SMURF1: variants seen among roughly 807,000 people sequenced by gnomAD.
SMURF1 encodes E3 ubiquitin-protein ligase SMURF1.
SMURF1 carries 44 observed loss-of-function variants against 98.0 expected under a neutral mutation model. The ratio of observed to expected loss-of-function variants is 0.45; its 90% CI spans 0.35 to 0.58. The LOEUF (loss-of-function observed/expected upper bound fraction) is 0.58, where lower values mean the gene tolerates loss of function less well. SMURF1 is among the 20% of genes least tolerant of loss of function. The pLI is 0.00. For missense variants in SMURF1, 687 were observed against 938.4 expected, an observed-to-expected ratio of 0.73 and a Z score of 3.50; for synonymous variants, 396 against 374.9, an observed-to-expected ratio of 1.06 and a Z score of -0.65.
At chr7:99,041,973 T>G in intron 12 of SMURF1, 145 bp downstream of exon 12, 1 of 677,246 alleles carries the variant, frequency 1.5e-6, no homozygotes, top group Non-Finnish European at 2.6e-6. Flanking sequence ...CTTAATTCAG[T>G]TTTCACTTTA....
chr7:99,035,480 G>A (rs748932826), intron 16 of SMURF1, 35 bp downstream of exon 16: 27 of 1,610,596 alleles, frequency 1.7e-5, no homozygotes, highest in Middle Eastern at 1.8e-4. Context: ...GCACATAGAC[G>A]CGTCATCGAA....
intron 15 of SMURF1, among the ~76,000 whole-genome samples, 181 bp downstream of exon 15, chr7:99,036,886 A>G (rs893184089): frequency 6.6e-6 from 1 of 152,050 alleles, no homozygotes; most frequent in African/African-American, 2.4e-5. Context: ...GCCGGTTACT[A>G]ACTGGCATGA....
At chr7:99,045,407 AAAG>A (rs774700843) in intron 11 of SMURF1, 9 of 412,594 alleles carry the variant, frequency 2.2e-5, no homozygotes, top group Non-Finnish European at 3.4e-5. Flanking sequence ...TCATGTTTCA[AAAG>A]AAGGGAGTGA....
intron 1 of SMURF1, among the ~76,000 whole-genome samples, chr7:99,121,387 T>C (rs189670916): frequency 7.4e-4 from 112 of 152,308 alleles, no homozygotes; most frequent in African/African-American, 2.6e-3. Context: ...AATTAAGATA[T>C]TGTATATAAT....
intron 1 of SMURF1, among the ~76,000 whole-genome samples, chr7:99,139,305 C>T (rs78100153): frequency 0.012 from 1,786 of 152,268 alleles, 34 homozygotes; most frequent in African/African-American, 0.041. Flanking sequence ...TTTCCACATG[C>T]TATCAAGGAA....
rs111788074 is a variant in SMURF1, at chr7:99,063,418, G to A, written c.56-1581C>T. Among the ~76,000 whole-genome samples the A allele has an allele frequency of 3.9e-3, 571 of 147,742 alleles. 5 individuals are homozygous for A. Among genetic ancestry groups the A allele is most frequent in the Non-Finnish European group, 5.9e-3 (393 of 66,934 alleles). ...AGGGATCCTCCAGCCTCAGCCTCTC[G>A]AGTTGCTGGGACTACAGGCACACAC... is the stretch of plus-strand genomic sequence containing the variant. On this transcript the variant is annotated intron_variant, in intron 1 of 17. Coordinates refer to ENST00000361368, the MANE Select transcript of SMURF1 (RefSeq NM_181349.3).
chr7:99,057,423 G>A lies in SMURF1; in HGVS notation c.332C>T (p.Thr111Ile), dbSNP rs1332599018. Reference sequence around the variant, plus strand: ...GGAAAGTGTTTGGTTCTTACATCCGGTATCTTTTAATCTGCTGATGGCATT... The same window carrying A: ...GGAAAGTGTTTGGTTCTTACATCCGATATCTTTTAATCTGCTGATGGCATT... ...LSNAISRLKD[T>I]GYQRLDLCKL... Residue 111 changes from threonine to isoleucine, a missense_variant, in exon 4 of 18, where the codon ACC becomes ATC. By Grantham distance (89) the Thr-to-Ile change is moderately conservative. Coordinates refer to ENST00000361368, the MANE Select transcript of SMURF1 (RefSeq NM_181349.3). The A allele has an allele frequency of 6.2e-7, 1 of 1,611,994 alleles. No homozygotes were observed. The highest frequency in any genetic ancestry group is 2.2e-5 in the East Asian group (1 of 44,880).
chr7:99,107,770 C>T (rs982144523), intron 1 of SMURF1, among the ~76,000 whole-genome samples: 9 of 152,156 alleles, frequency 5.9e-5, no homozygotes, highest in African/African-American at 2.2e-4. Flanking sequence ...GTGGCATTCC[C>T]GGAGAAAAGA....
chr7:99,067,677 C>T (rs1427244231), intron 1 of SMURF1, among the ~76,000 whole-genome samples: 3 of 152,154 alleles, frequency 2.0e-5, no homozygotes, highest in Non-Finnish European at 2.9e-5. Context: ...TGAGGTCGGG[C>T]GCAGTGGCTC....
chr7:99,117,168 A>G (rs1181128470), intron 1 of SMURF1, among the ~76,000 whole-genome samples: 1 of 152,196 alleles, frequency 6.6e-6, no homozygotes, highest in Non-Finnish European at 1.5e-5. Context: ...AAAAGGATAA[A>G]TCTGGACCCC....
chr7:99,118,036 C>A (rs1195782590), intron 1 of SMURF1, among the ~76,000 whole-genome samples: 1 of 152,190 alleles, frequency 6.6e-6, no homozygotes, highest in Non-Finnish European at 1.5e-5. Flanking sequence ...ATACGCTCAT[C>A]CTCATTAGTC....
intron 1 of SMURF1, among the ~76,000 whole-genome samples, chr7:99,117,188 C>T (rs1005116877): frequency 4.0e-5 from 6 of 151,852 alleles, no homozygotes; most frequent in Non-Finnish European, 7.4e-5. Flanking sequence ...CCCTATGTCA[C>T]ACTATATATA....
chr7:99,140,047 C>T (rs1262224964), intron 1 of SMURF1, among the ~76,000 whole-genome samples: 1 of 152,140 alleles, frequency 6.6e-6, no homozygotes, highest in African/African-American at 2.4e-5. Flanking sequence ...AAGTAGGTAG[C>T]TAAATTGATA....
chr7:99,037,631 C>A (rs1263649956), intron 14 of SMURF1, among the ~76,000 whole-genome samples: 2 of 152,232 alleles, frequency 1.3e-5, no homozygotes, highest in African/African-American at 4.8e-5. Flanking sequence ...AAACACACCA[C>A]CAGCTAGTAG....
intron 2 of SMURF1, among the ~76,000 whole-genome samples, chr7:99,061,340 T>G (rs547753376): frequency 2.6e-5 from 4 of 152,382 alleles, no homozygotes; most frequent in African/African-American, 9.6e-5. Flanking sequence ...CATGACTTTC[T>G]TAAGGAGTGA....
intron 1 of SMURF1, among the ~76,000 whole-genome samples, chr7:99,090,173 C>T (rs1161875219): frequency 6.6e-6 from 1 of 152,218 alleles, no homozygotes; most frequent in African/African-American, 2.4e-5. Context: ...CTCACAAACA[C>T]TGCAACTAGC....
Position 99,047,806 on chromosome 7 carries a change from G to A in SMURF1, c.1030C>T (p.Pro344Ser). The A allele has an allele frequency of 6.2e-7, 1 of 1,614,200 alleles. No homozygotes were observed. Among genetic ancestry groups the A allele is most frequent in the Non-Finnish European group, 8.5e-7 (1 of 1,180,054 alleles). The part of the protein sequence containing the change: ...SEGSLEDEEL[P>S]AQRYERDLVQ... ...AGATCTCTTTCGTATCTCTGGGCAG[G>A]AAGCTCCTCGTCCTCCAGAGAGCCC... is the stretch of plus-strand genomic sequence containing the variant. The change falls in exon 10 of 18, where the codon CCT becomes TCT. Residue 344 changes from proline to serine, a missense_variant. By Grantham distance (74) the Pro-to-Ser change is moderately conservative. Coordinates refer to ENST00000361368, the MANE Select transcript of SMURF1 (RefSeq NM_181349.3).
intron 12 of SMURF1, among the ~76,000 whole-genome samples, chr7:99,040,882 CCTTGACACTGCAGGG>C (rs2150509181): frequency 6.6e-6 from 1 of 152,240 alleles, no homozygotes; most frequent in African/African-American, 2.4e-5. Context: ...AAGCCCAGGG[CCTTGACACTGCAGGG>C]CCTCGGCACC....
intron 1 of SMURF1, among the ~76,000 whole-genome samples, chr7:99,099,364 T>C (rs190030837): frequency 2.0e-5 from 3 of 152,252 alleles, no homozygotes; most frequent in Non-Finnish European, 4.4e-5. Flanking sequence ...CACTCCACAG[T>C]ATCTAACACA....
Sources: gnomAD v4.1 joint callset for allele counts (sites outside exome capture counted in the v4.1 genomes callset) on GRCh38, gnomAD v4.1.1 for gene constraint, MANE v1.5 for transcripts, NCBI Gene and HGNC (gene_info 2026-07-23, HGNC 2026-07-21) for gene names.